The following SNCAIP variants were observed in gnomAD, a reference collection of about 807,000 sequenced individuals.
SNCAIP encodes synuclein alpha interacting protein.
SNCAIP carries 43 observed loss-of-function variants against 86.7 expected under a neutral mutation model. The ratio of observed to expected loss-of-function variants is 0.50; its 90% CI spans 0.39 to 0.64. The LOEUF is 0.64. SNCAIP is among the 30% of genes least tolerant of loss of function. SNCAIP has a pLI of 0.00. For synonymous variants in SNCAIP, 417 were observed against 427.2 expected (o/e 0.98, Z 0.29); for missense variants, 981 against 1,103.1 (o/e 0.89, Z 1.57).
At chr5:122,392,414 C>G (rs1580943416) in intron 2 of SNCAIP, among the ~76,000 whole-genome samples, 1 of 152,156 alleles carries the variant, frequency 6.6e-6, no homozygotes. Context: ...CTCTCTCTCT[C>G]TCTCTTTCTG....
chr5:122,447,208 TCTC>T (rs1368683480), intron 8 of SNCAIP, among the ~76,000 whole-genome samples: 1 of 152,100 alleles, frequency 6.6e-6, no homozygotes, highest in African/African-American at 2.4e-5. Flanking sequence ...AGGAACAGCT[TCTC>T]CTCACAGCCT....
At chr5:122,442,429 T>C (rs1781239249) in intron 7 of SNCAIP, among the ~76,000 whole-genome samples, 1 of 152,208 alleles carries the variant, frequency 6.6e-6, no homozygotes, top group Non-Finnish European at 1.5e-5. Flanking sequence ...ACTCACTTGA[T>C]AGGAAATAGT....
chr5:122,461,265 CTTT>C (rs1168749240), intron 10 of SNCAIP, among the ~76,000 whole-genome samples: 6 of 152,104 alleles, frequency 3.9e-5, no homozygotes, highest in Non-Finnish European at 8.8e-5. Context: ...ATGATTTCTT[CTTT>C]ATCTCCAATA....
intron 1 of SNCAIP, among the ~76,000 whole-genome samples, chr5:122,366,465 G>A (rs928457488): frequency 1.1e-4 from 17 of 152,174 alleles, no homozygotes; most frequent in African/African-American, 3.4e-4. Context: ...AGTTGGCAAA[G>A]GAGCCTAGGA....
At chr5:122,390,052 T>C (rs1189869266) in intron 1 of SNCAIP, among the ~76,000 whole-genome samples, 2 of 152,164 alleles carry the variant, frequency 1.3e-5, no homozygotes, top group East Asian at 3.9e-4. Context: ...TCAGGCTAGA[T>C]GTATTTTCAC....
chr5:122,329,904 G>C (rs1754904200), intron 1 of SNCAIP, among the ~76,000 whole-genome samples: 1 of 152,104 alleles, frequency 6.6e-6, no homozygotes, highest in Non-Finnish European at 1.5e-5. Flanking sequence ...ACGGTTAAAA[G>C]TGTGGACCCT....
rs1334994007 is a variant in SNCAIP, at chr5:122,450,673, C to G, written c.1826C>G (p.Pro609Arg). 3 of 1,613,960 alleles carry G rather than the reference C, an allele frequency of 1.9e-6. No individual in the cohort carries two copies. Among genetic ancestry groups the G allele is most frequent in the Non-Finnish European group, 2.5e-6 (3 of 1,180,002 alleles). The change falls in exon 10 of 11, where the codon CCC becomes CGC. Residue 609 changes from proline to arginine, a missense_variant. By Grantham distance (103) the Pro-to-Arg change is moderately radical. Transcript: ENST00000261368. ...CTGTCAGCCTCCAGCCGGGCTAGAC[C>G]CAAAGCAAAAGATGAAGATTCTGAT... ...GSLSASSRAR[P>R]KAKDEDSDKI...
chr5:122,324,986 G>A (rs1188623509), intron 1 of SNCAIP, among the ~76,000 whole-genome samples: 1 of 152,128 alleles, frequency 6.6e-6, no homozygotes. Context: ...TATGAGCATG[G>A]GCTTGAACCT....
At chr5:122,413,198 A>G (rs1054439153) in intron 3 of SNCAIP, among the ~76,000 whole-genome samples, 5 of 152,208 alleles carry the variant, frequency 3.3e-5, no homozygotes, top group Non-Finnish European at 7.4e-5. Flanking sequence ...GTTATGGCCA[A>G]TAAAATCCCC....
chr5:122,414,974 C>T lies in SNCAIP; in HGVS notation c.131-7894C>T, dbSNP rs918016611. Among the ~76,000 whole-genome samples, 7 of 152,132 alleles carry T rather than the reference C, an allele frequency of 4.6e-5. No individual in the cohort carries two copies. In the South Asian group the frequency reaches 6.2e-4, roughly 14 times the overall value. On this transcript the variant is annotated intron_variant, in intron 3 of 10. Coordinates refer to ENST00000261368, the MANE Select transcript of SNCAIP (RefSeq NM_005460.4). Reference sequence around the variant, plus strand: ...ATAAAAAGCCTTAACACAAATGTATCGGCAATTTTAAAGTATTAAGTGGAG... The same window carrying T: ...ATAAAAAGCCTTAACACAAATGTATTGGCAATTTTAAAGTATTAAGTGGAG...
intron 1 of SNCAIP, among the ~76,000 whole-genome samples, chr5:122,377,493 AC>A (rs1580806812): frequency 8.9e-6 from 1 of 112,128 alleles, no homozygotes; most frequent in East Asian, 2.9e-4. Context: ...AGGGAGACAG[AC>A]AGAGAGAGAG....
Position 122,451,598 on chromosome 5 carries a change from G to A in SNCAIP, c.2751G>A (p.Lys917=). ...PASSASKGKN[K]AA is the part of the protein sequence containing the mutation. ...GCTCCGCTAGCAAAGGAAAGAATAA[G>A]GCAGTAAGTGCTATTTGGAGAATAT... The change falls in exon 10 of 11, where the codon AAG becomes AAA. Residue 917 remains lysine (K), a synonymous_variant. Transcript: ENST00000261368. The A allele has an allele frequency of 6.3e-7, 1 of 1,580,038 alleles. No homozygotes were observed. The highest frequency in any genetic ancestry group is 8.7e-7 in the Non-Finnish European group (1 of 1,149,122).
rs541191012 is a variant in SNCAIP, at chr5:122,351,536, CAAAAAAAAAAAAAA to C, written c.-47+39269_-47+39282del. 6.2e-3 allele frequency among the ~76,000 whole-genome samples: 225 copies of C among 36,510 alleles called. 8 individuals carry two copies. The East Asian group carries it at 0.16, about 26-fold the overall frequency. The allele number at this position is 36,510 out of a possible 152,430, so 24.0% of individuals were successfully genotyped here. ...TGGGCAACAGAGTGAGACTCTGTAT[CAAAAAAAAAAAAAA>C]AAAAAAAAAAAAAAAAGAACTAATT... On this transcript the variant is annotated intron_variant, in intron 1 of 10. Coordinates refer to ENST00000261368, the MANE Select transcript of SNCAIP (RefSeq NM_005460.4).
chr5:122,333,853 C>T (rs1227011216), intron 1 of SNCAIP, among the ~76,000 whole-genome samples: 1 of 152,154 alleles, frequency 6.6e-6, no homozygotes, highest in African/African-American at 2.4e-5. Flanking sequence ...TAGTAAATTA[C>T]CTTTTACGTG....
Position 122,390,608 on chromosome 5 carries a change from G to T in SNCAIP, c.-46-481G>T, listed in dbSNP as rs1406720935. On this transcript the variant is annotated intron_variant, in intron 1 of 10. Transcript: ENST00000261368. ...AAATATCCATTACTCTTGGTTAGTG[G>T]TATCTGTCTTGTGTTATTCCTGTGG... 2.0e-5 allele frequency among the ~76,000 whole-genome samples: 3 copies of T among 152,136 alleles called. No homozygotes were observed. The East Asian group carries it at 5.8e-4, about 29-fold the overall frequency.
At chr5:122,371,308 G>GA (rs61587530) in intron 1 of SNCAIP, 28,429 of 131,036 alleles carry the variant, frequency 0.22, 3,232 homozygotes, top group African/African-American at 0.36. Context: ...CCTTATCTCA[G>GA]AAAAAAAAAA....
chr5:122,443,495 A>T (rs926775591), intron 7 of SNCAIP: 1 of 384,302 alleles, frequency 2.6e-6, no homozygotes, highest in African/African-American at 2.1e-5. Flanking sequence ...CTTTCTTATG[A>T]CTATTAAAAT....
chr5:122,405,652 T>A (rs1320227639), intron 3 of SNCAIP, among the ~76,000 whole-genome samples: 1 of 152,214 alleles, frequency 6.6e-6, no homozygotes, highest in Non-Finnish European at 1.5e-5. Context: ...TCCAGATAGT[T>A]TGACTTACTG....
At chr5:122,443,994 A>G in intron 7 of SNCAIP, 1 of 442,034 alleles carries the variant, frequency 2.3e-6, no homozygotes, top group Non-Finnish European at 4.5e-6. Context: ...AAGCCTGCTC[A>G]ATCCACAGAC....
Sources: allele counts gnomAD v4.1 joint callset (sites outside exome capture counted in the v4.1 genomes callset), GRCh38; gene constraint gnomAD v4.1.1; transcripts MANE v1.5; gene names NCBI Gene and HGNC (gene_info 2026-07-23, HGNC 2026-07-21).